The following SCGB2A1 variants were observed in gnomAD, a reference collection of about 807,000 sequenced individuals.
SCGB2A1 encodes the protein mammaglobin-B.
Under a neutral mutation model 9.2 loss-of-function variants are expected in SCGB2A1, and 6 were observed. The ratio of observed to expected loss-of-function variants is 0.66; its 90% CI spans 0.36 to 1.29. The LOEUF is 1.29. Ranked by LOEUF, SCGB2A1 falls within the 50% of genes most tolerant of loss-of-function variation. The pLI, the probability that SCGB2A1 is intolerant of heterozygous loss-of-function variation, is 0.03. For missense variants in SCGB2A1, 138 were observed against 116.9 expected (o/e 1.18, Z -0.83); for synonymous variants, 37 against 41.0 (o/e 0.90, Z 0.37).
intron 2 of SCGB2A1, among the ~76,000 whole-genome samples, chr11:62,213,091 C>CACATAT (rs57411910): frequency 3.4e-3 from 47 of 13,844 alleles, no homozygotes; most frequent in East Asian, 0.023. Context: ...CATATATACA[C>CACATAT]ATATATATAT....
At chr11:62,211,245 A>G (rs2134734426) in intron 2 of SCGB2A1, among the ~76,000 whole-genome samples, 1 of 152,164 alleles carries the variant, frequency 6.6e-6, no homozygotes, top group African/African-American at 2.4e-5. Context: ...ATTTTTATCA[A>G]GAGAAAATAT....
At chr11:62,211,646 C>T (rs1215918083) in intron 2 of SCGB2A1, among the ~76,000 whole-genome samples, 1 of 151,944 alleles carries the variant, frequency 6.6e-6, no homozygotes, top group Non-Finnish European at 1.5e-5. Flanking sequence ...GTGATCTGCC[C>T]GCCTCGGCCT....
At chr11:62,212,958 A>G (rs1005385069) in intron 2 of SCGB2A1, among the ~76,000 whole-genome samples, 1 of 78,372 alleles carries the variant, frequency 1.3e-5, no homozygotes, top group Non-Finnish European at 3.8e-5. Context: ...ACACATATGT[A>G]CACATATGTA....
Position 62,210,604 on chromosome 11 carries a change from A to G in SCGB2A1, c.243+4A>G, listed in dbSNP as rs1944822433. 2.0e-6 allele frequency: 3 copies of G among 1,532,466 alleles called. No homozygotes were observed. Among genetic ancestry groups the G allele is most frequent in the Non-Finnish European group, 2.6e-6 (3 of 1,148,806 alleles). 94.9% of individuals were successfully genotyped at this position (1,532,466 alleles called of 1,614,324 possible). A position where few individuals can be genotyped will look rare whatever the true frequency, so the allele number is the denominator to read the frequency against. On this transcript the variant is annotated splice_donor_region_variant and intron_variant, in intron 2 of 2. Coordinates refer to ENST00000244930, the MANE Select transcript of SCGB2A1 (RefSeq NM_002407.3). Reference sequence around the variant, plus strand: ...GAAAAACTTTGGACTGATGATGGTAATTTGGGTTTCTTCTTATGTACCCTT... The same window carrying G: ...GAAAAACTTTGGACTGATGATGGTAGTTTGGGTTTCTTCTTATGTACCCTT...
chr11:62,209,666 T>TGTGTGTGC (rs1441209484), intron 1 of SCGB2A1, among the ~76,000 whole-genome samples: 1 of 151,538 alleles, frequency 6.6e-6, no homozygotes, highest in East Asian at 1.9e-4. Flanking sequence ...TGTGTGTGTG[T>TGTGTGTGC]GTGTGTGTGT....
At chr11:62,212,968 A>G (rs1014521697) in intron 2 of SCGB2A1, among the ~76,000 whole-genome samples, 3 of 124,336 alleles carry the variant, frequency 2.4e-5, no homozygotes, top group Non-Finnish European at 3.6e-5. Flanking sequence ...ACACATATGT[A>G]CACATATATG....
At chr11:62,212,985 T>C (rs1194813923) in intron 2 of SCGB2A1, among the ~76,000 whole-genome samples, 4 of 142,090 alleles carry the variant, frequency 2.8e-5, no homozygotes, top group South Asian at 2.2e-4. Flanking sequence ...TATGTGCACA[T>C]ATACATGCAT....
rs1565121424 is a variant in SCGB2A1 at position 62,213,021 on chromosome 11, T to TGTGC, written c.244-705_244-704insGTGC. Among the ~76,000 whole-genome samples, 202 of 67,274 alleles carry TGTGC rather than the reference T, an allele frequency of 3.0e-3. 2 individuals carry two copies. The highest frequency in any genetic ancestry group is 0.014 in the Middle Eastern group (2 of 148). The allele number at this position is 67,274 out of a possible 152,430, so 44.1% of individuals were successfully genotyped here. A position where few individuals can be genotyped will look rare whatever the true frequency, so the allele number is the denominator to read the frequency against. ...ATATGTACACATATATGCACATATA[T>TGTGC]ACATATATACACACATATATACATA... On this transcript the variant is annotated intron_variant, in intron 2 of 2. Coordinates refer to ENST00000244930, the MANE Select transcript of SCGB2A1 (RefSeq NM_002407.3).
rs1170659392 is a variant in SCGB2A1, at chr11:62,210,408, T to TC, written c.56-3dup. 3 of 1,448,904 alleles carry TC rather than the reference T, an allele frequency of 2.1e-6. No homozygotes were observed. Among genetic ancestry groups the TC allele is most frequent in the African/African-American group, 3.0e-5 (2 of 66,596 alleles). 89.8% of individuals were successfully genotyped at this position (1,448,904 alleles called of 1,614,324 possible). ...TGTCTTTTTTTTTTTTTTTTTTTTT[T>TC]CCAGATTCTGGCTGCAAACTCCTGG... On this transcript the variant is annotated splice_polypyrimidine_tract_variant and splice_region_variant and intron_variant, in intron 1 of 2. Coordinates refer to ENST00000244930, the MANE Select transcript of SCGB2A1 (RefSeq NM_002407.3).
rs67975205 is a variant in SCGB2A1 at position 62,213,106 on chromosome 11, A to ATATTTT, written c.244-619_244-618insATTTTT. Among the ~76,000 whole-genome samples the ATATTTT allele has an allele frequency of 1.1e-3, 132 of 116,198 alleles. 4 individuals carry two copies. Among genetic ancestry groups the ATATTTT allele is most frequent in the African/African-American group, 4.0e-3 (116 of 29,048 alleles). The allele number at this position is 116,198 out of a possible 152,430, so 76.2% of individuals were successfully genotyped here. On this transcript the variant is annotated intron_variant, in intron 2 of 2. Coordinates refer to ENST00000244930, the MANE Select transcript of SCGB2A1 (RefSeq NM_002407.3). Reference sequence around the variant, plus strand: ...CATATATACACATATATATATATATATTTTTTTTTTTGTAGAGATGGCATT... The same window carrying ATATTTT: ...CATATATACACATATATATATATATATATTTTTTTTTTTTTTTGTAGAGATGGCATT...
At chr11:62,212,992 G>GTA (rs1554985836) in intron 2 of SCGB2A1, among the ~76,000 whole-genome samples, 12 of 112,098 alleles carry the variant, frequency 1.1e-4, no homozygotes, top group African/African-American at 4.3e-4. Context: ...ACATATACAT[G>GTA]CATATATGTA....
At chr11:62,210,837 C>A (rs187314728) in intron 2 of SCGB2A1, among the ~76,000 whole-genome samples, 1 of 151,974 alleles carries the variant, frequency 6.6e-6, no homozygotes, top group African/African-American at 2.4e-5. Context: ...CTACCTCTGA[C>A]CTCACCAGTC....
rs201416395 is a variant in SCGB2A1 at position 62,210,386 on chromosome 11, CTTTTTTTTT to C, written c.56-13_56-5del. 1,198 of 1,344,474 alleles carry C rather than the reference CTTTTTTTTT, an allele frequency of 8.9e-4. No homozygotes were observed. The highest frequency in any genetic ancestry group is 4.4e-3 in the Admixed American group (164 of 37,456). 83.3% of individuals were successfully genotyped at this position (1,344,474 alleles called of 1,614,324 possible). On this transcript the variant is annotated intron_variant, in intron 1 of 2. Coordinates refer to ENST00000244930, the MANE Select transcript of SCGB2A1 (RefSeq NM_002407.3). Reference sequence around the variant, plus strand: ...CTAGTAATGGCCCATGTTCTTGTGTCTTTTTTTTTTTTTTTTTTTTTTCCAGATTCTGGC... The same window carrying C: ...CTAGTAATGGCCCATGTTCTTGTGTCTTTTTTTTTTTTTCCAGATTCTGGC...
chr11:62,210,232 G>C (rs1296794102), intron 1 of SCGB2A1, among the ~76,000 whole-genome samples, 181 bp from the exon 2 acceptor site: 1 of 152,158 alleles, frequency 6.6e-6, no homozygotes, highest in African/African-American at 2.4e-5. Context: ...AGAATTTGCA[G>C]AGCCTGAGTT....
chr11:62,210,906 C>T (rs1430660148), intron 2 of SCGB2A1, among the ~76,000 whole-genome samples: 2 of 149,280 alleles, frequency 1.3e-5, no homozygotes, highest in East Asian at 4.0e-4. Context: ...CACAGACACA[C>T]GGGGACAGGC....
intron 2 of SCGB2A1, among the ~76,000 whole-genome samples, chr11:62,211,154 C>A (rs930421615): frequency 6.6e-6 from 1 of 151,914 alleles, no homozygotes; most frequent in Non-Finnish European, 1.5e-5. Context: ...AAACTCCTAA[C>A]CTCAAGTGAT....
rs372604111 is a variant in SCGB2A1 at position 62,208,725 on chromosome 11, C to T, written c.-7C>T. On this transcript the variant is annotated 5_prime_UTR_variant, in exon 1 of 3. Coordinates refer to ENST00000244930, the MANE Select transcript of SCGB2A1 (RefSeq NM_002407.3). ...CACGACTGAACACAGACAGCAGCCG[C>T]CTCGCCATGAAGCTGCTGATGGTCC... 27 of 1,613,704 alleles carry T rather than the reference C, an allele frequency of 1.7e-5. No individual in the cohort carries two copies. Among genetic ancestry groups the T allele is most frequent in the Admixed American group, 6.7e-5 (4 of 60,020 alleles).
chr11:62,209,746 C>T (rs1029966472), intron 1 of SCGB2A1, among the ~76,000 whole-genome samples: 1 of 151,834 alleles, frequency 6.6e-6, no homozygotes, highest in East Asian at 1.9e-4. Flanking sequence ...ACAGTCTCAG[C>T]TCACTGCAAC....
At chr11:62,213,556 C>G in intron 2 of SCGB2A1, 170 bp from the exon 3 acceptor site, 1 of 615,830 alleles carries the variant, frequency 1.6e-6, no homozygotes, top group Non-Finnish European at 2.8e-6. Flanking sequence ...TATGAAGTGT[C>G]TCCTAGATAA....
Sources: allele counts gnomAD v4.1 joint callset (sites outside exome capture counted in the v4.1 genomes callset), GRCh38; gene constraint gnomAD v4.1.1; transcripts MANE v1.5; gene names NCBI Gene and HGNC (gene_info 2026-07-23, HGNC 2026-07-21).